MAD1L1: variants seen among roughly 807,000 people sequenced by gnomAD.
MAD1L1 encodes the protein mitotic spindle assembly checkpoint protein MAD1.
A neutral mutation model predicts 96.9 loss-of-function variants in MAD1L1; 95 were observed. The ratio of observed to expected loss-of-function variants is 0.98; its 90% CI spans 0.83 to 1.16. The LOEUF is 1.16. MAD1L1 is among the 50% of genes most tolerant of loss of function. MAD1L1 has a pLI of 0.00. For synonymous variants in MAD1L1, 473 were observed against 396.6 expected (o/e 1.19, Z -2.29); for missense variants, 1,007 against 954.4 (o/e 1.06, Z -0.73).
Position 2,169,498 on chromosome 7 carries a change from T to C in MAD1L1, c.987-20260A>G, listed in dbSNP as rs143840617. 3.8e-3 allele frequency among the ~76,000 whole-genome samples: 577 copies of C among 152,218 alleles called. 5 individuals are homozygous for C. The highest frequency in any genetic ancestry group is 3.3e-3 in the African/African-American group (139 of 41,546). On this transcript the variant is annotated intron_variant, in intron 10 of 18. Transcript: ENST00000265854. ...TCTCTTGCTCCAATCCAAAAAGGCA[T>C]AGGAAAAAAGGCATAAAGAGCTGTG...
At chr7:2,135,746 C>A (rs1365303752) in intron 11 of MAD1L1, among the ~76,000 whole-genome samples, 1 of 152,212 alleles carries the variant, frequency 6.6e-6, no homozygotes, top group Non-Finnish European at 1.5e-5. Flanking sequence ...CCTGCCACCT[C>A]TCATGGTGAC....
At chr7:1,946,530 G>C (rs1161814324) in intron 16 of MAD1L1, among the ~76,000 whole-genome samples, 1 of 152,270 alleles carries the variant, frequency 6.6e-6, no homozygotes, top group East Asian at 1.9e-4. Flanking sequence ...AATCTCAAAA[G>C]GAAAAGTTTG....
rs374065491 is a variant in MAD1L1 at position 2,017,037 on chromosome 7, C to T, written c.1219-2395G>A. Among the ~76,000 whole-genome samples the T allele has an allele frequency of 7.2e-5, 11 of 152,348 alleles. No homozygotes were observed. In the South Asian group the frequency reaches 1.2e-3, roughly 17 times the overall value. On this transcript the variant is annotated intron_variant, in intron 12 of 18. Transcript: ENST00000265854. ...AATCTCTGAGAGCTTCTCTTCGTGACGGCTCTCTTCAGCCTAACTCCAGGC... is the reference window on the plus strand; with the variant it reads ...AATCTCTGAGAGCTTCTCTTCGTGATGGCTCTCTTCAGCCTAACTCCAGGC...
intron 18 of MAD1L1, chr7:1,847,913 T>A: frequency 2.8e-6 from 1 of 357,644 alleles, no homozygotes; most frequent in Non-Finnish European, 5.6e-6. Flanking sequence ...CCCACGCAGC[T>A]GCTCACCTAC....
At chr7:1,866,635 G>A (rs1273266732) in intron 18 of MAD1L1, among the ~76,000 whole-genome samples, 1 of 152,224 alleles carries the variant, frequency 6.6e-6, no homozygotes, top group Non-Finnish European at 1.5e-5. Flanking sequence ...GCAACGCAGA[G>A]GCCATGGCAC....
intron 4 of MAD1L1, chr7:2,223,471 C>G (rs1108037): frequency 6.6e-6 from 1 of 152,216 alleles, no homozygotes; most frequent in Non-Finnish European, 1.5e-5. Context: ...TGGTGGAGCC[C>G]GGCACTCCGG....
chr7:1,825,123 T>C (rs915145903), intron 18 of MAD1L1, among the ~76,000 whole-genome samples: 4 of 152,196 alleles, frequency 2.6e-5, no homozygotes, highest in Non-Finnish European at 5.9e-5. Context: ...AAAATGTATA[T>C]CTAAATTATA....
chr7:1,829,067 C>T (rs115520095), intron 18 of MAD1L1, among the ~76,000 whole-genome samples: 2,060 of 152,258 alleles, frequency 0.014, 44 homozygotes, highest in African/African-American at 0.047. Flanking sequence ...AAGGAAAAAA[C>T]GGAAAGACAG....
intron 17 of MAD1L1, among the ~76,000 whole-genome samples, chr7:1,924,589 G>A (rs955231999): frequency 1.1e-4 from 16 of 152,192 alleles, no homozygotes; most frequent in African/African-American, 3.9e-4. Context: ...GCAAGCAAAC[G>A]CTGAGAGAAC....
intron 18 of MAD1L1, among the ~76,000 whole-genome samples, chr7:1,843,764 A>C (rs1386066647): frequency 6.6e-6 from 1 of 152,190 alleles, no homozygotes; most frequent in African/African-American, 2.4e-5. Flanking sequence ...CGCTGCAAGA[A>C]GAAGCCCCAC....
intron 10 of MAD1L1, among the ~76,000 whole-genome samples, chr7:2,207,988 T>C (rs1390858701): frequency 6.6e-6 from 1 of 152,068 alleles, no homozygotes; most frequent in East Asian, 1.9e-4. Flanking sequence ...CTGCTTGGTG[T>C]GGGGGAAACC....
chr7:2,152,161 C>G (rs1012228007), intron 10 of MAD1L1, among the ~76,000 whole-genome samples: 1 of 152,240 alleles, frequency 6.6e-6, no homozygotes, highest in Admixed American at 6.5e-5. Flanking sequence ...CAGACCCCAG[C>G]CCTCGGGAGC....
intron 3 of MAD1L1, among the ~76,000 whole-genome samples, chr7:2,228,527 A>G (rs1176822798): frequency 1.3e-5 from 2 of 152,142 alleles, no homozygotes; most frequent in African/African-American, 2.4e-5. Context: ...TGCTGGGGTT[A>G]TAGGCATGAG....
At chr7:2,138,752 A>G (rs1788880242) in intron 11 of MAD1L1, among the ~76,000 whole-genome samples, 1 of 152,134 alleles carries the variant, frequency 6.6e-6, no homozygotes, top group African/African-American at 2.4e-5. Context: ...AAACCCATTG[A>G]GGGTGGAACT....
In MAD1L1 at chr7:2,210,916, G is replaced by A. The variant is rs375142922; in HGVS notation, c.986+2296C>T. On this transcript the variant is annotated intron_variant, in intron 10 of 18. Transcript: ENST00000265854. ...CTCACAGGGCCCTCCACAAGTACAC[G>A]ATCACGTCGGATCTTCACACGCAGT... Among the ~76,000 whole-genome samples the A allele has an allele frequency of 2.2e-4, 34 of 152,308 alleles. No homozygotes were observed. In the East Asian group the frequency reaches 2.3e-3, roughly 10 times the overall value.
At chr7:1,841,482 C>T (rs1300503509) in intron 18 of MAD1L1, among the ~76,000 whole-genome samples, 6 of 152,348 alleles carry the variant, frequency 3.9e-5, no homozygotes, top group South Asian at 2.1e-4. Flanking sequence ...GTCACGGAAC[C>T]GGCTGCTGAG....
At chr7:1,836,736 G>C (rs1185777579) in intron 18 of MAD1L1, among the ~76,000 whole-genome samples, 1 of 152,182 alleles carries the variant, frequency 6.6e-6, no homozygotes, top group Non-Finnish European at 1.5e-5. Context: ...TGATCTTGAT[G>C]CTGGAGTAAC....
At chr7:1,837,797 G>T (rs1161450495) in intron 18 of MAD1L1, among the ~76,000 whole-genome samples, 2 of 152,362 alleles carry the variant, frequency 1.3e-5, no homozygotes, top group Middle Eastern at 3.4e-3. Context: ...AGTGGGAGGG[G>T]CAAGGCAGGC....
intron 11 of MAD1L1, among the ~76,000 whole-genome samples, chr7:2,072,656 C>A (rs920098577): frequency 3.9e-5 from 6 of 152,204 alleles, no homozygotes; most frequent in Admixed American, 1.3e-4. Context: ...ACTAGAAGAA[C>A]GCCACCATTC....
Sources: gnomAD v4.1 joint callset for allele counts (sites outside exome capture counted in the v4.1 genomes callset) on GRCh38, gnomAD v4.1.1 for gene constraint, MANE v1.5 for transcripts, NCBI Gene and HGNC (gene_info 2026-07-23, HGNC 2026-07-21) for gene names.